FLRT1: variants seen among roughly 807,000 people sequenced by gnomAD.
FLRT1 encodes the protein leucine-rich repeat transmembrane protein FLRT1.
FLRT1 carries 14 observed loss-of-function variants against 30.9 expected under a neutral mutation model. That is an observed-to-expected ratio of 0.45 (90% CI 0.30 to 0.71). The LOEUF (loss-of-function observed/expected upper bound fraction) is 0.71, where lower values mean the gene tolerates loss of function less well. Ranked by LOEUF, FLRT1 falls within the 30% of genes least tolerant of loss-of-function variation. FLRT1 has a pLI of 0.08. For missense variants in FLRT1, 737 were observed against 949.2 expected (o/e 0.78, Z 2.94); for synonymous variants, 368 against 430.4 (o/e 0.85, Z 1.80).
intron 1 of FLRT1, among the ~76,000 whole-genome samples, chr11:64,056,478 C>T (rs896531500): frequency 6.6e-6 from 1 of 152,200 alleles, no homozygotes; most frequent in African/African-American, 2.4e-5. Flanking sequence ...GAACAGGAGG[C>T]TGTACTAGAG....
intron 1 of FLRT1, among the ~76,000 whole-genome samples, chr11:64,051,176 T>G (rs945592765): frequency 6.6e-6 from 1 of 152,252 alleles, no homozygotes; most frequent in Non-Finnish European, 1.5e-5. Flanking sequence ...TTACTAGGCC[T>G]CAGTTTTGTC....
At chr11:64,057,907 C>T (rs1163173187) in intron 1 of FLRT1, among the ~76,000 whole-genome samples, 1 of 152,246 alleles carries the variant, frequency 6.6e-6, no homozygotes, top group African/African-American at 2.4e-5. Flanking sequence ...CATGTGGGTG[C>T]AACCCCAAAG....
chr11:64,099,563 T>C (rs1325116296), intron 1 of FLRT1, among the ~76,000 whole-genome samples: 5 of 149,634 alleles, frequency 3.3e-5, no homozygotes, highest in Admixed American at 6.6e-5. Context: ...GATGGATGGA[T>C]AGAGGTGAAT....
chr11:64,113,961 T>A (rs1418215541), intron 2 of FLRT1, among the ~76,000 whole-genome samples: 4 of 146,706 alleles, frequency 2.7e-5, no homozygotes, highest in African/African-American at 1.0e-4. Flanking sequence ...GATGGATGGA[T>A]GGATAATTGG....
At position 64,117,629 on chromosome 11, in the gene FLRT1, G is replaced by A. The variant is rs1590934167; in HGVS notation, c.1362G>A (p.Thr454=). The A allele has an allele frequency of 8.7e-6, 14 of 1,613,786 alleles. No individual in the cohort carries two copies. Among genetic ancestry groups the A allele is most frequent in the African/African-American group, 2.7e-5 (2 of 75,072 alleles). The change falls in exon 3 of 3, where the codon ACG becomes ACA. Residue 454 remains threonine (T), a synonymous_variant. Transcript: ENST00000682287. ...TGACGGCAGACTCCATCCGCATCAC[G>A]TGGAAGGCCACGCTCCCCGCCTCCT... The part of the protein sequence containing the change: ...KALTADSIRI[T]WKATLPASSF...
At chr11:64,047,713 G>A (rs1011544529) in intron 1 of FLRT1, among the ~76,000 whole-genome samples, 6 of 151,836 alleles carry the variant, frequency 4.0e-5, no homozygotes, top group Non-Finnish European at 5.9e-5. Flanking sequence ...CCTGGCCAAC[G>A]TGGTGAAACC....
intron 1 of FLRT1, among the ~76,000 whole-genome samples, chr11:64,051,472 G>A (rs1036693385): frequency 1.3e-5 from 2 of 152,204 alleles, no homozygotes; most frequent in African/African-American, 2.4e-5. Context: ...TCTCATTGTT[G>A]TGGGGCGGGG....
intron 1 of FLRT1, among the ~76,000 whole-genome samples, chr11:64,055,643 G>A (rs543613719): frequency 1.4e-4 from 21 of 152,298 alleles, no homozygotes; most frequent in Non-Finnish European, 2.5e-4. Flanking sequence ...TCTATTCCCC[G>A]GGGCCTGCAT....
chr11:64,066,856 C>T (rs190377711), intron 1 of FLRT1, among the ~76,000 whole-genome samples: 293 of 152,282 alleles, frequency 1.9e-3, no homozygotes, highest in Middle Eastern at 6.8e-3. Flanking sequence ...AGCAGATGGC[C>T]AAGGTCAGGC....
intron 2 of FLRT1, among the ~76,000 whole-genome samples, chr11:64,109,907 T>A (rs933023246): frequency 3.3e-5 from 5 of 152,030 alleles, no homozygotes; most frequent in Middle Eastern, 3.2e-3. Context: ...AACGGGCCAC[T>A]GGAGCGCGGA....
intron 1 of FLRT1, among the ~76,000 whole-genome samples, chr11:64,094,301 A>G (rs1031517367): frequency 1.3e-5 from 2 of 152,114 alleles, no homozygotes; most frequent in Non-Finnish European, 2.9e-5. Flanking sequence ...GCATGGTGAC[A>G]GGCGCCTGAA....
rs191781062 is a variant in FLRT1 at position 64,101,452 on chromosome 11, G to A, written c.-1037-1742G>A. ...GTTTCTCTCTTTATCGGGAGGCAGC[G>A]GCCACAGCTGACTGGAGCCTCTGGG... is the stretch of plus-strand genomic sequence containing the variant. On this transcript the variant is annotated intron_variant, in intron 1 of 2. Coordinates refer to ENST00000682287, the MANE Select transcript of FLRT1 (RefSeq NM_013280.5). Among the ~76,000 whole-genome samples the A allele has an allele frequency of 2.3e-3, 343 of 152,100 alleles. 2 individuals are homozygous for A. Among genetic ancestry groups the A allele is most frequent in the African/African-American group, 7.8e-3 (324 of 41,534 alleles).
At chr11:64,070,740 C>T (rs1471683127) in intron 1 of FLRT1, among the ~76,000 whole-genome samples, 4 of 152,220 alleles carry the variant, frequency 2.6e-5, no homozygotes, top group Non-Finnish European at 5.9e-5. Flanking sequence ...CTGCTCCTCC[C>T]GCTGCAATAA....
At chr11:64,052,736 T>C (rs1027745511) in intron 1 of FLRT1, among the ~76,000 whole-genome samples, 1 of 152,208 alleles carries the variant, frequency 6.6e-6, no homozygotes, top group Non-Finnish European at 1.5e-5. Flanking sequence ...CCTCCCAGCT[T>C]CTAGGGGTGG....
At chr11:64,063,187 G>T (rs1415996722) in intron 1 of FLRT1, among the ~76,000 whole-genome samples, 1 of 152,126 alleles carries the variant, frequency 6.6e-6, no homozygotes, top group Non-Finnish European at 1.5e-5. Context: ...GGCTCTGTGC[G>T]CCCTGCTTAG....
intron 1 of FLRT1, among the ~76,000 whole-genome samples, chr11:64,056,209 T>C (rs1455060967): frequency 6.6e-6 from 1 of 152,078 alleles, no homozygotes. Context: ...CTTTGCCCAT[T>C]TGGCTTCCCT....
intron 1 of FLRT1, among the ~76,000 whole-genome samples, chr11:64,098,389 C>T (rs115731687): frequency 8.8e-4 from 134 of 152,354 alleles, no homozygotes; most frequent in African/African-American, 3.1e-3. Flanking sequence ...TTCCCTCAGC[C>T]TGAAATGTTC....
chr11:64,116,624 T>C lies in FLRT1; in HGVS notation c.357T>C (p.Asp119=). Residue 119 remains aspartate, a synonymous_variant, in exon 3 of 3, where the codon GAT becomes GAC. Transcript: ENST00000682287. ...QVIYLYENDL[D]EFPINLPRSL... ...TCTACCTATACGAGAATGACCTGGA[T>C]GAGTTCCCCATCAACCTGCCCCGCT... The C allele has an allele frequency of 6.2e-7, 1 of 1,614,198 alleles. No homozygotes were observed.
chr11:64,060,988 C>G (rs1040338743), intron 1 of FLRT1, among the ~76,000 whole-genome samples: 2 of 152,058 alleles, frequency 1.3e-5, no homozygotes, highest in South Asian at 2.1e-4. Flanking sequence ...CCGGGCGGGC[C>G]GGCGTCGACC....
Sources: allele counts gnomAD v4.1 joint callset (sites outside exome capture counted in the v4.1 genomes callset), GRCh38; gene constraint gnomAD v4.1.1; transcripts MANE v1.5; gene names NCBI Gene and HGNC (gene_info 2026-07-23, HGNC 2026-07-21).